Variants in AK7 observed in about 807,000 individuals in gnomAD.
AK7 encodes ATP-AMP transphosphorylase 7.
AK7 carries 78 observed loss-of-function variants against 96.6 expected under a neutral mutation model. The ratio of observed to expected loss-of-function variants is 0.81; its 90% CI spans 0.67 to 0.97. The LOEUF is 0.97. AK7 is among the 50% of genes least tolerant of loss of function. The probability of loss-of-function intolerance (pLI) is 0.00; values close to 1 mark genes in which losing one functional copy is unlikely to be tolerated. For missense variants in AK7, 855 were observed against 887.9 expected (o/e 0.96, Z 0.47); for synonymous variants, 302 against 317.2 (o/e 0.95, Z 0.51).
intron 12 of AK7, among the ~76,000 whole-genome samples, chr14:96,465,985 G>A (rs1894542072): frequency 6.7e-6 from 1 of 148,916 alleles, no homozygotes; most frequent in South Asian, 2.2e-4. Context: ...ACTCCAGACA[G>A]GGCGATAGAG....
intron 16 of AK7, among the ~76,000 whole-genome samples, chr14:96,483,896 C>T (rs901040330): frequency 6.6e-6 from 1 of 152,096 alleles, no homozygotes. Flanking sequence ...CTCCTCATTC[C>T]CCAAATCACT....
At chr14:96,458,928 A>G (rs1333840546) in intron 12 of AK7, among the ~76,000 whole-genome samples, 5 of 140,760 alleles carry the variant, frequency 3.6e-5, no homozygotes, top group South Asian at 2.2e-4. Context: ...AAAAAAAAAA[A>G]AAAAAAAAAA....
intron 5 of AK7, chr14:96,424,241 CCGGGAGTGCCG>C (rs1197724009): frequency 4.6e-6 from 2 of 438,430 alleles, no homozygotes; most frequent in Non-Finnish European, 8.2e-6. Flanking sequence ...GAGCGCGCAG[CCGGGAGTGCCG>C]CGGGAGGCCA....
At position 96,442,772 on chromosome 14, in the gene AK7, G is replaced by C; in HGVS notation, c.733G>C (p.Asp245His). 1 of 1,614,194 alleles carries C rather than the reference G, an allele frequency of 6.2e-7. No individual in the cohort carries two copies. Among genetic ancestry groups the C allele is most frequent in the Non-Finnish European group, 8.5e-7 (1 of 1,180,028 alleles). The change falls in exon 7 of 18, where the codon GAT (aspartate) becomes CAT (histidine). Residue 245 changes from aspartate (D) to histidine (H), a missense_variant. Transcript: ENST00000267584. ...GEIPALPVFGDGTNVIPTIHV... is the reference protein window; with the variant it reads ...GEIPALPVFGHGTNVIPTIHV... ...GATTCCTGCATTACCAGTTTTTGGC[G>C]ATGGAACAAATGTAATTCCAACAAT...
At chr14:96,457,038 C>A (rs1566797067) in intron 11 of AK7, 1 of 155,236 alleles carries the variant, frequency 6.4e-6, no homozygotes, top group Non-Finnish European at 1.4e-5. Context: ...ACCTTCAGAG[C>A]CATCTTGTAA....
intron 12 of AK7, among the ~76,000 whole-genome samples, chr14:96,459,642 G>A (rs1894144869): frequency 1.3e-5 from 2 of 151,874 alleles, no homozygotes; most frequent in South Asian, 4.2e-4. Flanking sequence ...AGCACTTCGT[G>A]ATCTAGGAGG....
At position 96,477,187 on chromosome 14, in the gene AK7, G is replaced by T. The variant is rs183856585; in HGVS notation, c.1556-1278G>T. Among the ~76,000 whole-genome samples, 29 of 152,288 alleles carry T rather than the reference G, an allele frequency of 1.9e-4. No homozygotes were observed. In the East Asian group the frequency reaches 5.6e-3, roughly 29 times the overall value. The stretch of plus-strand genomic sequence containing the variant: ...AATGGAGGTAGTATCAAACTATTAT[G>T]AATTTATAGGATCTTATTCCACACG... On this transcript the variant is annotated intron_variant, in intron 14 of 17. Coordinates refer to ENST00000267584, the MANE Select transcript of AK7 (RefSeq NM_152327.5).
chr14:96,460,716 T>C (rs1894206922), intron 12 of AK7, among the ~76,000 whole-genome samples: 1 of 152,168 alleles, frequency 6.6e-6, no homozygotes, highest in Non-Finnish European at 1.5e-5. Flanking sequence ...CCCTACCAGG[T>C]GTCCATGTCA....
intron 14 of AK7, among the ~76,000 whole-genome samples, chr14:96,476,524 A>C (rs1035058861): frequency 1.0e-4 from 15 of 147,972 alleles, no homozygotes; most frequent in East Asian, 2.0e-4. Context: ...AAAAAAAAAA[A>C]CCATAGATTT....
intron 12 of AK7, among the ~76,000 whole-genome samples, chr14:96,459,481 T>G (rs1456554931): frequency 6.6e-6 from 1 of 151,982 alleles, no homozygotes; most frequent in Non-Finnish European, 1.5e-5. Flanking sequence ...AGAAAAAATA[T>G]TGCCACTGAT....
chr14:96,416,385 CAA>C (rs35859783), intron 4 of AK7, among the ~76,000 whole-genome samples: 5 of 120,956 alleles, frequency 4.1e-5, no homozygotes, highest in African/African-American at 6.6e-5. Context: ...GACTCTGTCT[CAA>C]AAAAAAAAAA....
intron 2 of AK7, 80 bp downstream of exon 2, chr14:96,398,343 C>T: frequency 1.4e-6 from 2 of 1,465,948 alleles, no homozygotes; most frequent in Non-Finnish European, 1.9e-6. Flanking sequence ...ACTTGTTTTA[C>T]TGTTTGCCTC....
chr14:96,443,577 C>A (rs979450217), intron 7 of AK7, among the ~76,000 whole-genome samples: 1 of 152,050 alleles, frequency 6.6e-6, no homozygotes, highest in Non-Finnish European at 1.5e-5. Context: ...AACTTCAGGG[C>A]CACACCCCTG....
rs1473854595 is a variant in AK7 at position 96,478,544 on chromosome 14, G to T, written c.1635G>T (p.Gly545=). The change falls in exon 15 of 18, where the codon GGG becomes GGT. Residue 545 remains glycine, a synonymous_variant. Coordinates refer to ENST00000267584, the MANE Select transcript of AK7 (RefSeq NM_152327.5). ...ACCTTCCTGAGAGCATCGTGGCGGG[G>T]ACCCACTACAGCCAAGACCGATTCC... The part of the protein sequence containing the change: ...VINLPESIVA[G]THYSQDRFLR... The T allele has an allele frequency of 6.2e-7, 1 of 1,614,174 alleles. No homozygotes were observed. Among genetic ancestry groups the T allele is most frequent in the Non-Finnish European group, 8.5e-7 (1 of 1,180,052 alleles).
intron 5 of AK7, among the ~76,000 whole-genome samples, chr14:96,427,848 C>T (rs1892118410): frequency 6.6e-6 from 1 of 151,770 alleles, no homozygotes; most frequent in African/African-American, 2.4e-5. Flanking sequence ...ATATTTCTGC[C>T]AAAAACATAT....
rs116365333 is a variant in AK7 at position 96,478,470 on chromosome 14, G to C, written c.1561G>C (p.Val521Leu). ...PFDKLIIPEF[V>L]CALDASDEFL... The stretch of plus-strand genomic sequence containing the variant: ...GAGTCTGTCCTTCTCCCCAGAATTC[G>C]TTTGTGCACTGGATGCTTCGGATGA... The change falls in exon 15 of 18, where the codon GTT (valine) becomes CTT (leucine). Residue 521 changes from valine (V) to leucine (L), a missense_variant. Physicochemically the swap from Val to Leu is conservative, Grantham distance 32 (BLOSUM62 1). Coordinates refer to ENST00000267584, the MANE Select transcript of AK7 (RefSeq NM_152327.5). 6.2e-6 allele frequency: 10 copies of C among 1,614,030 alleles called. No homozygotes were observed. The highest frequency in any genetic ancestry group is 8.5e-6 in the Non-Finnish European group (10 of 1,180,044).
chr14:96,402,187 A>ACC (rs1330170563), intron 2 of AK7, among the ~76,000 whole-genome samples: 4 of 78,438 alleles, frequency 5.1e-5, no homozygotes, highest in Non-Finnish European at 7.8e-5. Context: ...ACACAGATGC[A>ACC]CACACACACA....
At chr14:96,472,112 T>C (rs542030763) in intron 13 of AK7, among the ~76,000 whole-genome samples, 21 of 152,282 alleles carry the variant, frequency 1.4e-4, no homozygotes, top group African/African-American at 5.1e-4. Flanking sequence ...CTGTCACTGA[T>C]TTCACTTAGC....
In AK7 at chr14:96,424,311, A is replaced by G. The variant is rs1452014891; in HGVS notation, c.609+3379A>G. 4 of 397,686 alleles carry G rather than the reference A, an allele frequency of 1.0e-5. No individual in the cohort carries two copies. The Admixed American group carries it at 1.4e-4, about 14-fold the overall frequency. The allele number at this position is 397,686 out of a possible 1,614,324, so 24.6% of individuals were successfully genotyped here. ...GGGGGTCTCCGCCAGCTGAAAAATT[A>G]CAGAGGGCTTACTGTGTTCTCAGTA... On this transcript the variant is annotated intron_variant, in intron 5 of 17. Transcript: ENST00000267584.
Sources: allele counts gnomAD v4.1 joint callset (sites outside exome capture counted in the v4.1 genomes callset), GRCh38; gene constraint gnomAD v4.1.1; transcripts MANE v1.5; gene names NCBI Gene and HGNC (gene_info 2026-07-23, HGNC 2026-07-21).